Variants in TBC1D32 observed in about 807,000 individuals in gnomAD.
TBC1D32 encodes TBC1 domain family member 32.
Under a neutral mutation model 170.3 loss-of-function variants are expected in TBC1D32, and 151 were observed. The observed-to-expected ratio is 0.89, with a 90% CI of 0.78 to 1.01. The LOEUF (loss-of-function observed/expected upper bound fraction) is 1.01, where lower values mean the gene tolerates loss of function less well. Among genes scored for constraint, TBC1D32 ranks in the 50% least tolerant of loss-of-function variants. The pLI, the probability that TBC1D32 is intolerant of heterozygous loss-of-function variation, is 0.00. For synonymous variants in TBC1D32, 498 were observed against 488.0 expected, an observed-to-expected ratio of 1.02 and a Z score of -0.27; for missense variants, 1,464 against 1,457.1, an observed-to-expected ratio of 1.00 and a Z score of -0.08.
At position 121,113,124 on chromosome 6, in the gene TBC1D32, C is replaced by T. The variant is rs773171737; in HGVS notation, c.3107G>A (p.Trp1036Ter). 4 of 1,611,836 alleles carry T rather than the reference C, an allele frequency of 2.5e-6. No individual in the cohort carries two copies. The Admixed American group carries it at 5.0e-5, about 20-fold the overall frequency. ...LKDGAENDLT[W>*]VLKHCERFLK... ...GAATCTCTCACAATGCTTTAAAACC[C>T]AGGTAAGATCATTTTCTGCACCATC... is the stretch of plus-strand genomic sequence containing the variant. The change falls in exon 28 of 32, where the codon TGG (tryptophan) becomes TAG (stop). Residue 1036 changes from tryptophan to a stop codon, truncating the protein, a stop_gained. Transcript: ENST00000398212. LOFTEE classifies it high-confidence loss of function.
intron 30 of TBC1D32, among the ~76,000 whole-genome samples, chr6:121,095,561 C>A (rs1049203241): frequency 3.3e-5 from 5 of 151,146 alleles, no homozygotes; most frequent in African/African-American, 1.2e-4. Context: ...ATGATATTGG[C>A]TGTGAGTTTG....
At chr6:121,123,869 G>T (rs1582867209) in intron 26 of TBC1D32, among the ~76,000 whole-genome samples, 4 of 146,600 alleles carry the variant, frequency 2.7e-5, no homozygotes, top group African/African-American at 2.5e-5. Flanking sequence ...TCTATTATAG[G>T]TTTTTTTTTG....
At chr6:121,220,933 G>GC (rs774777657) in intron 21 of TBC1D32, among the ~76,000 whole-genome samples, 8 of 151,980 alleles carry the variant, frequency 5.3e-5, no homozygotes, top group Non-Finnish European at 8.8e-5. Flanking sequence ...GAACAACGAC[G>GC]CCCGGCCAAG....
chr6:121,274,362 A>C (rs4487619), intron 15 of TBC1D32, among the ~76,000 whole-genome samples: 3,660 of 151,834 alleles, frequency 0.024, 160 homozygotes, highest in East Asian at 0.12. Flanking sequence ...ACAACAACAA[A>C]AAAAAAACCC....
chr6:121,287,343 G>C (rs1316060730), intron 12 of TBC1D32, among the ~76,000 whole-genome samples: 1 of 151,914 alleles, frequency 6.6e-6, no homozygotes, highest in Non-Finnish European at 1.5e-5. Flanking sequence ...AAAAGGCAGG[G>C]GTTGCAATCC....
At chr6:121,257,658 C>T (rs1799216519) in intron 15 of TBC1D32, among the ~76,000 whole-genome samples, 1 of 152,136 alleles carries the variant, frequency 6.6e-6, no homozygotes, top group Admixed American at 6.6e-5. Flanking sequence ...CTAGTGACTT[C>T]AGCAGGTAAC....
intron 20 of TBC1D32, 124 bp downstream of exon 20, chr6:121,238,946 A>C: frequency 2.1e-6 from 1 of 480,432 alleles, no homozygotes; most frequent in Non-Finnish European, 3.7e-6. Flanking sequence ...GAAAATTAAA[A>C]AGAGGAGAAA....
intron 21 of TBC1D32, among the ~76,000 whole-genome samples, chr6:121,210,732 A>C (rs905669841): frequency 6.6e-6 from 1 of 152,316 alleles, no homozygotes; most frequent in East Asian, 1.9e-4. Flanking sequence ...AATTTTGTCT[A>C]ACTGGTCACA....
At chr6:121,154,477 T>C (rs1784619328) in intron 24 of TBC1D32, among the ~76,000 whole-genome samples, 1 of 152,204 alleles carries the variant, frequency 6.6e-6, no homozygotes, top group South Asian at 2.1e-4. Context: ...TTTTTACTTG[T>C]TGATTTGTTC....
chr6:121,232,076 G>C (rs973241601), intron 20 of TBC1D32, among the ~76,000 whole-genome samples: 4 of 152,052 alleles, frequency 2.6e-5, no homozygotes, highest in African/African-American at 9.7e-5. Context: ...TTAAGTGTTT[G>C]ATTGATCTAG....
chr6:121,328,823 T>C (rs1810822108), intron 1 of TBC1D32, among the ~76,000 whole-genome samples: 2 of 152,280 alleles, frequency 1.3e-5, no homozygotes, highest in South Asian at 4.1e-4. Context: ...ACTTTGACAT[T>C]TTTCTCACCA....
At chr6:121,220,640 C>CTTT (rs923251281) in intron 21 of TBC1D32, among the ~76,000 whole-genome samples, 1,506 of 126,150 alleles carry the variant, frequency 0.012, 43 homozygotes, top group African/African-American at 0.041. Flanking sequence ...TTTTCTTTTT[C>CTTT]TTTTTTTTTT....
At chr6:121,238,538 A>C (rs1796585950) in intron 20 of TBC1D32, among the ~76,000 whole-genome samples, 1 of 152,130 alleles carries the variant, frequency 6.6e-6, no homozygotes, top group African/African-American at 2.4e-5. Context: ...ACTTTATTTT[A>C]GTGAACTTTG....
intron 12 of TBC1D32, 37 bp downstream of exon 12, chr6:121,292,016 A>G (rs1804937495): frequency 6.6e-7 from 1 of 1,526,296 alleles, no homozygotes; most frequent in Non-Finnish European, 8.8e-7. Flanking sequence ...AAATCTTAGC[A>G]TATCTTAACA....
In TBC1D32 at chr6:121,148,692, C is replaced by A. The variant is rs182265412; in HGVS notation, c.2773+11318G>T. On this transcript the variant is annotated intron_variant, in intron 24 of 31. Coordinates refer to ENST00000398212, the MANE Select transcript of TBC1D32 (RefSeq NM_152730.6). ...ATAGTGGCACTATCTCAGCTCACTG[C>A]AGCCTCTGCCTAGCAGGTTGCAGCA... is the stretch of plus-strand genomic sequence containing the variant. Among the ~76,000 whole-genome samples, 18 of 152,240 alleles carry A rather than the reference C, an allele frequency of 1.2e-4. No individual in the cohort carries two copies. The East Asian group carries it at 3.3e-3, about 28-fold the overall frequency.
chr6:121,259,713 A>G (rs1338716034), intron 15 of TBC1D32, among the ~76,000 whole-genome samples: 1 of 152,218 alleles, frequency 6.6e-6, no homozygotes, highest in African/African-American at 2.4e-5. Flanking sequence ...ACAATGTGAA[A>G]AACAGAATAA....
intron 30 of TBC1D32, among the ~76,000 whole-genome samples, chr6:121,105,740 A>G (rs1287592366): frequency 4.6e-5 from 7 of 152,008 alleles, no homozygotes; most frequent in Admixed American, 4.6e-4. Flanking sequence ...ACCTCAGTTA[A>G]TCACTGGCAT....
Position 121,091,045 on chromosome 6 carries a change from T to TA in TBC1D32, c.3466-5dup, listed in dbSNP as rs397887772. On this transcript the variant is annotated splice_polypyrimidine_tract_variant and splice_region_variant and intron_variant, in intron 30 of 31. Coordinates refer to ENST00000398212, the MANE Select transcript of TBC1D32 (RefSeq NM_152730.6). ...GGGTTATCCATTGCAGGCAAATCTT[T>TA]AAAAAAAAAAAGTAGTAAGTTCATT... The TA allele has an allele frequency of 0.2, 241,371 of 1,224,990 alleles. 12,453 individuals carry two copies. The highest frequency in any genetic ancestry group is 0.5 in the African/African-American group (33,241 of 66,524). The allele number at this position is 1,224,990 out of a possible 1,614,324, so 75.9% of individuals were successfully genotyped here.
intron 22 of TBC1D32, among the ~76,000 whole-genome samples, chr6:121,169,769 T>C (rs1409832314): frequency 2.6e-5 from 4 of 152,142 alleles, no homozygotes; most frequent in African/African-American, 4.8e-5. Context: ...CTGGCTAAGA[T>C]GCAGACATAC....
Sources: gnomAD v4.1 joint callset for allele counts (sites outside exome capture counted in the v4.1 genomes callset) on GRCh38, gnomAD v4.1.1 for gene constraint, MANE v1.5 for transcripts, NCBI Gene and HGNC (gene_info 2026-07-23, HGNC 2026-07-21) for gene names.